The following PRELID2 variants were observed in gnomAD, a reference collection of about 807,000 sequenced individuals.
PRELID2 encodes PRELI domain containing 2.
A neutral mutation model predicts 28.4 loss-of-function variants in PRELID2; 25 were observed. The ratio of observed to expected loss-of-function variants is 0.88; its 90% confidence interval spans 0.64 to 1.23. The LOEUF is 1.23. Among genes scored for constraint, PRELID2 ranks in the 50% most tolerant of loss-of-function variants. The probability of loss-of-function intolerance (pLI) is 0.00; values close to 1 mark genes in which losing one functional copy is unlikely to be tolerated. For missense variants in PRELID2, 201 were observed against 214.4 expected (o/e 0.94, Z 0.39); for synonymous variants, 76 against 71.6 (o/e 1.06, Z -0.31).
chr5:145,398,230 CAGA>C, the PRELID2 span, among the ~76,000 whole-genome samples: 1 of 152,096 alleles, frequency 6.6e-6, no homozygotes, highest in African/African-American at 2.4e-5. Context: ...ATGCAAAATA[CAGA>C]AGATTTCATG....
chr5:145,297,049 T>C, the PRELID2 span, among the ~76,000 whole-genome samples: 39,562 of 151,912 alleles, frequency 0.26, 5,569 homozygotes, highest in Non-Finnish European at 0.31. Context: ...GTTTGTTTTT[T>C]CCTTGTAAAT....
chr5:145,486,841 C>T (rs1752222510), intron 1 of PRELID2, among the ~76,000 whole-genome samples: 1 of 149,806 alleles, frequency 6.7e-6, no homozygotes, highest in Non-Finnish European at 1.5e-5. Context: ...GGAACCAACC[C>T]AAATGTCCAA....
chr5:145,474,920 T>C (rs1268837622), intron 1 of PRELID2, among the ~76,000 whole-genome samples: 1 of 152,068 alleles, frequency 6.6e-6, no homozygotes, highest in African/African-American at 2.4e-5. Flanking sequence ...ATTTAGTGTA[T>C]AAAAGGAGAT....
intron 5 of PRELID2, among the ~76,000 whole-genome samples, chr5:145,790,721 G>GTGTGTGTGTGTATATATAGATA (rs772901344): frequency 9.0e-6 from 1 of 110,910 alleles, no homozygotes; most frequent in Non-Finnish European, 1.9e-5. Context: ...GTGTGTGTGT[G>GTGTGTGTGTGTATATATAGATA]TATATATATA....
chr5:145,439,933 A>T, the PRELID2 span, among the ~76,000 whole-genome samples: 1 of 151,970 alleles, frequency 6.6e-6, no homozygotes, highest in Non-Finnish European at 1.5e-5. Flanking sequence ...TTGCCTGAAA[A>T]CCTTTCTGAA....
chr5:145,365,018 A>C, the PRELID2 span, among the ~76,000 whole-genome samples: 4 of 152,148 alleles, frequency 2.6e-5, no homozygotes, highest in Admixed American at 2.0e-4. Flanking sequence ...CTTTCTAGAG[A>C]AAACTGAATT....
At chr5:145,571,334 G>T (rs991069227) in intron 1 of PRELID2, among the ~76,000 whole-genome samples, 9 of 152,092 alleles carry the variant, frequency 5.9e-5, no homozygotes, top group Non-Finnish European at 1.3e-4. Context: ...GACAGGAAGT[G>T]GGGGGCCAAA....
chr5:145,375,438 G>T, the PRELID2 span, among the ~76,000 whole-genome samples: 1 of 152,104 alleles, frequency 6.6e-6, no homozygotes. Context: ...CCTTGTTGGA[G>T]GGTCTCACCC....
chr5:145,264,445 C>G, the PRELID2 span, among the ~76,000 whole-genome samples: 4 of 152,032 alleles, frequency 2.6e-5, no homozygotes, highest in African/African-American at 7.2e-5. Context: ...TCCAGCATCC[C>G]TTTATGACTC....
At chr5:145,426,483 G>T in the PRELID2 span, among the ~76,000 whole-genome samples, 1 of 152,008 alleles carries the variant, frequency 6.6e-6, no homozygotes, top group African/African-American at 2.4e-5. Context: ...CCCCATGAAG[G>T]TCCAACTATG....
chr5:145,316,125 G>A, the PRELID2 span, among the ~76,000 whole-genome samples: 1 of 152,250 alleles, frequency 6.6e-6, no homozygotes, highest in East Asian at 1.9e-4. Context: ...TTACACCATA[G>A]GAGCCAGCAA....
chr5:145,229,653 G>A, the PRELID2 span: 1 of 851,208 alleles, frequency 1.2e-6, no homozygotes, highest in Non-Finnish European at 2.0e-6. Flanking sequence ...AAAGGCCCAA[G>A]GTATCTACCA....
intron 1 of PRELID2, among the ~76,000 whole-genome samples, chr5:145,615,327 GTTT>G (rs141780236): frequency 4.4e-5 from 3 of 68,908 alleles, no homozygotes; most frequent in East Asian, 3.8e-4. Context: ...TCTTTTTTTT[GTTT>G]TTTTTTTTTT....
chr5:145,338,434 G>A, the PRELID2 span: 1 of 152,044 alleles, frequency 6.6e-6, no homozygotes, highest in Non-Finnish European at 1.5e-5. Flanking sequence ...ACAATCACAT[G>A]CACATAGATG....
At chr5:145,513,908 G>A (rs927423248) in intron 1 of PRELID2, among the ~76,000 whole-genome samples, 5 of 152,080 alleles carry the variant, frequency 3.3e-5, no homozygotes, top group South Asian at 2.1e-4. Context: ...CTTCATAAGC[G>A]AGGGAAAAAT....
the PRELID2 span, among the ~76,000 whole-genome samples, chr5:145,304,394 A>G: frequency 6.6e-6 from 1 of 152,200 alleles, no homozygotes; most frequent in African/African-American, 2.4e-5. Context: ...CACTTTCGAG[A>G]GACATGCACT....
At chr5:145,449,378 T>C in the PRELID2 span, among the ~76,000 whole-genome samples, 1 of 152,140 alleles carries the variant, frequency 6.6e-6, no homozygotes, top group South Asian at 2.1e-4. Context: ...GATGATCTTT[T>C]CCTGGAGTTT....
intron 1 of PRELID2, among the ~76,000 whole-genome samples, chr5:145,590,039 A>G (rs1753206881): frequency 6.6e-6 from 1 of 152,172 alleles, no homozygotes; most frequent in Admixed American, 6.5e-5. Flanking sequence ...CGAAGGGAGT[A>G]TGAATTGCAC....
chr5:145,270,048 C>G, the PRELID2 span, among the ~76,000 whole-genome samples: 1 of 151,530 alleles, frequency 6.6e-6, no homozygotes, highest in Non-Finnish European at 1.5e-5. Context: ...CAATTGCACA[C>G]AGGCTAGAAT....
Sources: gnomAD v4.1 joint callset for allele counts (sites outside exome capture counted in the v4.1 genomes callset) on GRCh38, gnomAD v4.1.1 for gene constraint, MANE v1.5 for transcripts, NCBI Gene and HGNC (gene_info 2026-07-23, HGNC 2026-07-21) for gene names.